Variants in NAA38 observed in about 807,000 individuals in gnomAD.
NAA38 encodes LSM domain containing 1.
A neutral mutation model predicts 12.6 loss-of-function variants in NAA38; 15 were observed. That is an observed-to-expected ratio of 1.19 (90% CI 0.79 to 1.83). The LOEUF (loss-of-function observed/expected upper bound fraction) is 1.83. NAA38 is among the 40% of genes most tolerant of loss of function. NAA38 has a pLI of 0.00. For synonymous variants in NAA38, 88 were observed against 69.9 expected (o/e 1.26, Z -1.29); for missense variants, 183 against 171.7 (o/e 1.07, Z -0.37).
upstream of NAA38, chr17:7,885,301 CCCTCCCCCGCCGCCGCCGCCGCCGCCG>C (rs1967648284): frequency 7.3e-6 from 1 of 137,462 alleles, no homozygotes; most frequent in Admixed American, 1.2e-4. Context: ...CCCGCCGCAC[CCCTCCCCCGCCGCCGCCGCCGCCGCCG>C]CCGCCGCCGC....
rs760700594 is a variant in NAA38 at position 7,857,180 on chromosome 17, C to G, written c.100G>C (p.Glu34Gln). The G allele has an allele frequency of 2.5e-6, 4 of 1,613,116 alleles. No individual in the cohort carries two copies. Among genetic ancestry groups the G allele is most frequent in the Non-Finnish European group, 2.5e-6 (3 of 1,180,020 alleles). Residue 34 changes from glutamate to glutamine, a missense_variant, in exon 2 of 3, where the codon GAG becomes CAG. Transcript: ENST00000575771. ...CGGGCGCGCTCAGCCGCCGAGTCCT[C>G]GCGCTCTCCGTCCGAATCCTGCGCG... ...SSAGDSDGER[E>Q]DSAAERARQQ... is the part of the protein sequence containing the mutation.
intron 1 of NAA38, chr17:7,884,831 GA>G: frequency 1.0e-6 from 1 of 959,582 alleles, no homozygotes; most frequent in Non-Finnish European, 1.5e-6. Flanking sequence ...GAGGGACGAG[GA>G]GGAGGAGGAG....
Position 7,856,820 on chromosome 17 carries a change from G to A in NAA38, c.289C>T (p.Arg97Cys). 2 of 1,613,850 alleles carry A rather than the reference G, an allele frequency of 1.2e-6. No homozygotes were observed. The highest frequency in any genetic ancestry group is 1.7e-6 in the Non-Finnish European group (2 of 1,180,002). Residue 97 changes from arginine to cysteine, a missense_variant, in exon 3 of 3, where the codon CGT becomes TGT. Transcript: ENST00000575771. ...PSDSFSAGEP[R>C]VLGLAMVPGH... is the part of the protein sequence containing the mutation. ...GGTACCATGGCCAGGCCCAGCACAC[G>A]GGGCTCCCCGGCAGAGAAGGAATCT...
chr17:7,872,060 G>C (rs187012283), intron 2 of NAA38, among the ~76,000 whole-genome samples: 2 of 152,320 alleles, frequency 1.3e-5, no homozygotes, highest in African/African-American at 4.8e-5. Flanking sequence ...TTCTGAGCTA[G>C]AGTAGTTTCT....
At chr17:7,873,927 AG>A (rs1422681138) in intron 2 of NAA38, among the ~76,000 whole-genome samples, 1 of 152,230 alleles carries the variant, frequency 6.6e-6, no homozygotes, top group Non-Finnish European at 1.5e-5. Flanking sequence ...GAGAACTAAA[AG>A]AAAGCTGACT....
chr17:7,871,062 T>C (rs1435600377), intron 2 of NAA38, among the ~76,000 whole-genome samples: 1 of 152,188 alleles, frequency 6.6e-6, no homozygotes, highest in African/African-American at 2.4e-5. Context: ...CACACCATCA[T>C]ATCGAGCTAA....
chr17:7,882,271 G>A (rs370210144), intron 2 of NAA38, among the ~76,000 whole-genome samples: 9 of 152,328 alleles, frequency 5.9e-5, no homozygotes, highest in East Asian at 5.8e-4. Context: ...CGCACATGAT[G>A]CGCAGTGTGG....
rs1177732050 is a variant in NAA38 at position 7,857,022 on chromosome 17, CTTGAGGAACT to C, written c.248_257del (p.Glu83GlyfsTer34). The C allele has an allele frequency of 1.9e-5, 30 of 1,605,544 alleles. No homozygotes were observed. The highest frequency in any genetic ancestry group is 2.6e-5 in the Non-Finnish European group (30 of 1,173,866). On this transcript the variant is annotated frameshift_variant, in exon 2 of 3. Coordinates refer to ENST00000575771, the MANE Select transcript of NAA38 (RefSeq NM_001320925.4). LOFTEE classifies it high-confidence loss of function. ...CATTCCCCGGGCACTGACCCGACGG[CTTGAGGAACT>C]CCTGCGCCGAGCCCAGGATGACATT...
At chr17:7,870,016 G>A (rs889908047) in intron 2 of NAA38, among the ~76,000 whole-genome samples, 3 of 152,174 alleles carry the variant, frequency 2.0e-5, no homozygotes, top group Non-Finnish European at 4.4e-5. Context: ...TTAAGAAATT[G>A]TTAAAAAGCA....
chr17:7,883,152 T>C (rs1016304397), intron 2 of NAA38: 1 of 152,212 alleles, frequency 6.6e-6, no homozygotes, highest in South Asian at 2.1e-4. Context: ...CAATTCCTGG[T>C]ACCACTTTAC....
intron 2 of NAA38, among the ~76,000 whole-genome samples, chr17:7,879,565 TA>T (rs1223731468): frequency 6.6e-6 from 1 of 152,182 alleles, no homozygotes; most frequent in Non-Finnish European, 1.5e-5. Context: ...GAGAGTCCCT[TA>T]AAAATTTTTC....
intron 2 of NAA38, among the ~76,000 whole-genome samples, chr17:7,879,024 ATATT>A (rs1393582744): frequency 6.6e-6 from 1 of 151,350 alleles, no homozygotes; most frequent in Non-Finnish European, 1.5e-5. Flanking sequence ...ACTGTATACT[ATATT>A]TATTCTATGT....
upstream of NAA38, chr17:7,858,195 A>T: frequency 6.2e-7 from 1 of 1,613,866 alleles, no homozygotes; most frequent in Non-Finnish European, 8.5e-7. Flanking sequence ...TCGCTATTTC[A>T]CGCCGGCGGA....
chr17:7,857,287 C>G lies in NAA38; in HGVS notation c.82-89G>C. 7.4e-6 allele frequency: 12 copies of G among 1,611,546 alleles called. No individual in the cohort carries two copies. Among genetic ancestry groups the G allele is most frequent in the Non-Finnish European group, 1.0e-5 (12 of 1,179,110 alleles). ...CTCCCGGCAGCCCGCGGGGCACTCA[C>G]ACAAAGCCCAGAGGCTGCCGGGAGC... On this transcript the variant is annotated intron_variant, in intron 1 of 2. Coordinates refer to ENST00000575771, the MANE Select transcript of NAA38 (RefSeq NM_001320925.4).
upstream of NAA38, chr17:7,859,655 G>C: frequency 6.3e-7 from 1 of 1,597,284 alleles, no homozygotes; most frequent in Non-Finnish European, 8.6e-7. Context: ...CGTATTTCGA[G>C]TTTGGCTTTT....
intron 2 of NAA38, among the ~76,000 whole-genome samples, chr17:7,871,597 C>A (rs1299376167): frequency 2.0e-5 from 3 of 152,138 alleles, no homozygotes; most frequent in Non-Finnish European, 4.4e-5. Context: ...CAGTACCCGA[C>A]CCCAGCAGCT....
chr17:7,858,163 C>G, upstream of NAA38: 3 of 1,613,710 alleles, frequency 1.9e-6, no homozygotes, highest in South Asian at 2.2e-5. Context: ...GTGGCTGGGC[C>G]AGACTTGGAG....
In NAA38 at chr17:7,857,076, G is replaced by A. The variant is rs776570353; in HGVS notation, c.204C>T (p.Leu68=). The A allele has an allele frequency of 3.7e-6, 6 of 1,613,480 alleles. No homozygotes were observed. In the African/African-American group the frequency reaches 5.3e-5, roughly 14 times the overall value. Residue 68 remains leucine, a synonymous_variant, in exon 2 of 3, where the codon CTC becomes CTT. Transcript: ENST00000575771. ...TGACATTGCAGTCACGGTCAGTGCA[G>A]AGGAAGCAGCCGACCAGTGTCCGTC... is the stretch of plus-strand genomic sequence containing the variant. The part of the protein sequence containing the change: ...TDGRTLVGCF[L]CTDRDCNVIL...
At chr17:7,859,439 C>T (rs752662998), upstream of NAA38, 2 of 1,614,160 alleles carry the variant, frequency 1.2e-6, no homozygotes, top group South Asian at 2.2e-5. Context: ...CTATAACTCA[C>T]ATGCTGCCAG....
Sources: allele counts gnomAD v4.1 joint callset (sites outside exome capture counted in the v4.1 genomes callset), GRCh38; gene constraint gnomAD v4.1.1; transcripts MANE v1.5; gene names NCBI Gene and HGNC (gene_info 2026-07-23, HGNC 2026-07-21).